The following NPAS3 variants were observed in gnomAD, a reference collection of about 807,000 sequenced individuals.
NPAS3 encodes the protein neuronal PAS domain protein 3.
NPAS3 carries 14 observed loss-of-function variants against 73.1 expected under a neutral mutation model. The observed-to-expected ratio is 0.19, with a 90% CI of 0.13 to 0.30. The LOEUF (loss-of-function observed/expected upper bound fraction) is 0.30, where lower values mean the gene tolerates loss of function less well. Among genes scored for constraint, NPAS3 ranks in the 10% least tolerant of loss-of-function variants. The pLI is 1.00. For missense variants in NPAS3, 1,096 were observed against 1,250.0 expected (o/e 0.88, Z 1.86); for synonymous variants, 620 against 541.5 (o/e 1.14, Z -2.01).
intron 1 of NPAS3, among the ~76,000 whole-genome samples, chr14:33,018,566 T>C: frequency 6.6e-6 from 1 of 152,228 alleles, no homozygotes; most frequent in East Asian, 1.9e-4. Context: ...CATTTTCTAA[T>C]GATGAGTGTT....
intron 4 of NPAS3, among the ~76,000 whole-genome samples, chr14:33,400,550 G>T (rs914235499): frequency 5.9e-5 from 9 of 152,070 alleles, no homozygotes; most frequent in African/African-American, 2.2e-4. Flanking sequence ...AAATTGTTCT[G>T]CCAGATAAAT....
At chr14:33,624,554 G>A (rs1038731391) in intron 5 of NPAS3, among the ~76,000 whole-genome samples, 25 of 151,194 alleles carry the variant, frequency 1.7e-4, no homozygotes, top group African/African-American at 5.9e-4. Flanking sequence ...CAAAGCACTT[G>A]GGAAGAACTA....
chr14:33,668,437 ATTACTT>A (rs968595699), intron 5 of NPAS3, among the ~76,000 whole-genome samples: 2 of 152,224 alleles, frequency 1.3e-5, no homozygotes, highest in Admixed American at 1.3e-4. Flanking sequence ...CCAGAATAAA[ATTACTT>A]TGTAGCTTTC....
At chr14:32,993,239 C>T (rs2038410698) in intron 1 of NPAS3, among the ~76,000 whole-genome samples, 1 of 151,764 alleles carries the variant, frequency 6.6e-6, no homozygotes, top group South Asian at 2.1e-4. Flanking sequence ...GTCCATGGGC[C>T]CTTAAAGCAA....
At chr14:33,002,293 T>A (rs61980345) in intron 1 of NPAS3, among the ~76,000 whole-genome samples, 2 of 152,190 alleles carry the variant, frequency 1.3e-5, no homozygotes, top group Non-Finnish European at 2.9e-5. Context: ...CAATGATTAC[T>A]CAACAAATAC....
At chr14:33,518,803 C>T (rs2053429101) in intron 4 of NPAS3, among the ~76,000 whole-genome samples, 1 of 151,940 alleles carries the variant, frequency 6.6e-6, no homozygotes, top group South Asian at 2.1e-4. Flanking sequence ...CTTCTTAGAA[C>T]AATCAGTTAA....
intron 7 of NPAS3, among the ~76,000 whole-genome samples, chr14:33,738,959 G>A (rs1056175311): frequency 6.6e-6 from 1 of 152,154 alleles, no homozygotes; most frequent in Non-Finnish European, 1.5e-5. Context: ...CCTTAGCTCC[G>A]TCTTTGGAGG....
At chr14:33,235,847 T>C (rs868541004) in intron 3 of NPAS3, among the ~76,000 whole-genome samples, 5 of 138,710 alleles carry the variant, frequency 3.6e-5, no homozygotes, top group Admixed American at 3.0e-4. Context: ...GGTGTTGCTC[T>C]GTCACATCAT....
intron 2 of NPAS3, among the ~76,000 whole-genome samples, chr14:33,104,282 G>A (rs571340402): frequency 6.6e-6 from 1 of 152,214 alleles, no homozygotes; most frequent in Admixed American, 6.5e-5. Flanking sequence ...TTATTGAAGG[G>A]TTGTCATGAT....
chr14:33,308,510 T>TTATATATATATA lies in NPAS3; in HGVS notation c.386-58669_386-58658dup, dbSNP rs67518761. ...TTTTCTAAAGGGACTATTGCATAGT[T>TTATATATATATA]TATATATATATATATATACATACAC... On this transcript the variant is annotated intron_variant, in intron 3 of 11. Coordinates refer to ENST00000356141, the Ensembl canonical transcript of NPAS3. Among the ~76,000 whole-genome samples, 83 of 83,500 alleles carry TTATATATATATA rather than the reference T, an allele frequency of 9.9e-4. 1 individual carries two copies. Among genetic ancestry groups the TTATATATATATA allele is most frequent in the Middle Eastern group, 4.9e-3 (1 of 206 alleles). 54.8% of individuals were successfully genotyped at this position (83,500 alleles called of 152,430 possible). A position where few individuals can be genotyped will look rare whatever the true frequency, so the allele number is the denominator to read the frequency against.
At chr14:33,428,296 C>T (rs1192102055) in intron 4 of NPAS3, among the ~76,000 whole-genome samples, 2 of 152,008 alleles carry the variant, frequency 1.3e-5, no homozygotes, top group South Asian at 2.1e-4. Context: ...AATGAGAATA[C>T]TTATATCTAT....
chr14:33,007,961 T>C (rs2039055639), intron 1 of NPAS3, among the ~76,000 whole-genome samples: 1 of 152,198 alleles, frequency 6.6e-6, no homozygotes, highest in Non-Finnish European at 1.5e-5. Context: ...GAGCTCTAAA[T>C]TCAATATTAA....
intron 4 of NPAS3, among the ~76,000 whole-genome samples, chr14:33,493,084 G>C (rs1045238230): frequency 6.6e-6 from 1 of 152,106 alleles, no homozygotes; most frequent in Non-Finnish European, 1.5e-5. Context: ...CGTGAGCTTT[G>C]TGCGCAAAAA....
At chr14:33,253,384 C>T (rs1348043232) in intron 3 of NPAS3, among the ~76,000 whole-genome samples, 2 of 152,034 alleles carry the variant, frequency 1.3e-5, no homozygotes, top group African/African-American at 4.8e-5. Context: ...AATTAAAACT[C>T]TCATCTAGTA....
At chr14:33,186,395 T>C (rs939130135) in intron 2 of NPAS3, among the ~76,000 whole-genome samples, 4 of 152,228 alleles carry the variant, frequency 2.6e-5, no homozygotes. Flanking sequence ...TTAAGTATTT[T>C]TTAAAGTGAA....
At chr14:33,115,717 G>T (rs2147960) in intron 2 of NPAS3, among the ~76,000 whole-genome samples, 102,145 of 151,950 alleles carry the variant, frequency 0.67, 34,675 homozygotes, top group Middle Eastern at 0.74. Flanking sequence ...ACCCAATCTT[G>T]GTCATATATG....
At chr14:33,616,760 G>A (rs914331385) in intron 5 of NPAS3, among the ~76,000 whole-genome samples, 1 of 152,164 alleles carries the variant, frequency 6.6e-6, no homozygotes, top group African/African-American at 2.4e-5. Flanking sequence ...TGGTGATTTA[G>A]GTCTACCTCT....
chr14:33,777,604 A>G (rs768491701), intron 8 of NPAS3, among the ~76,000 whole-genome samples: 1 of 152,218 alleles, frequency 6.6e-6, no homozygotes, highest in Non-Finnish European at 1.5e-5. Context: ...AAATTAAACA[A>G]AAAATATATT....
chr14:33,579,143 C>A (rs1567024077), intron 5 of NPAS3, among the ~76,000 whole-genome samples: 1 of 152,172 alleles, frequency 6.6e-6, no homozygotes, highest in Non-Finnish European at 1.5e-5. Context: ...CCAGAGCAAC[C>A]AACACCAGCT....
Sources: allele counts gnomAD v4.1 joint callset (sites outside exome capture counted in the v4.1 genomes callset), GRCh38; gene constraint gnomAD v4.1.1; transcripts MANE v1.5; gene names NCBI Gene and HGNC (gene_info 2026-07-23, HGNC 2026-07-21).